NCOA1: variants seen among roughly 807,000 people sequenced by gnomAD.
NCOA1 encodes Hin-2 protein.
Under a neutral mutation model 150.9 loss-of-function variants are expected in NCOA1, and 35 were observed. The ratio of observed to expected loss-of-function variants is 0.23; its 90% confidence interval spans 0.18 to 0.31. The LOEUF is 0.31. NCOA1 is among the 10% of genes least tolerant of loss of function. The pLI is 1.00. For missense variants in NCOA1, 1,491 were observed against 1,749.3 expected (o/e 0.85, Z 2.63); for synonymous variants, 590 against 630.0 (o/e 0.94, Z 0.95).
chr2:24,584,785 T>C (rs942599525), intron 3 of NCOA1, among the ~76,000 whole-genome samples: 11 of 152,160 alleles, frequency 7.2e-5, no homozygotes, highest in African/African-American at 2.7e-4. Flanking sequence ...CAGTCAGAGT[T>C]TGAAGATCTT....
chr2:24,581,838 CAG>C (rs1667207252), intron 2 of NCOA1, among the ~76,000 whole-genome samples: 1 of 152,070 alleles, frequency 6.6e-6, no homozygotes, highest in Non-Finnish European at 1.5e-5. Flanking sequence ...ATCATATCAA[CAG>C]AATGAAGTAC....
chr2:24,742,785 A>G (rs1395677634), intron 19 of NCOA1, among the ~76,000 whole-genome samples: 3 of 152,024 alleles, frequency 2.0e-5, no homozygotes, highest in Non-Finnish European at 2.9e-5. Context: ...TCCCCACACA[A>G]TGGATTTTAG....
chr2:24,658,905 C>A lies in NCOA1; in HGVS notation c.89+139C>A, dbSNP rs1245123746. 4.1e-6 allele frequency: 3 copies of A among 736,690 alleles called. No individual in the cohort carries two copies. The East Asian group carries it at 8.2e-5, about 20-fold the overall frequency. 45.6% of individuals were successfully genotyped at this position (736,690 alleles called of 1,614,324 possible). A position where few individuals can be genotyped will look rare whatever the true frequency, so the allele number is the denominator to read the frequency against. The stretch of plus-strand genomic sequence containing the variant: ...ATACTCACCATGTTGTCTTCCTTCC[C>A]CCAGGGTCTTTGCACATGTTTCTCC... On this transcript the variant is annotated intron_variant, in intron 5 of 22. Transcript: ENST00000348332.
At chr2:24,765,750 G>A (rs961010723) in intron 22 of NCOA1, among the ~76,000 whole-genome samples, 6 of 152,182 alleles carry the variant, frequency 3.9e-5, no homozygotes, top group African/African-American at 7.2e-5. Flanking sequence ...AGCTTCTTTT[G>A]TGTCACACTT....
At chr2:24,606,614 G>A (rs1668382024) in intron 3 of NCOA1, among the ~76,000 whole-genome samples, 1 of 152,036 alleles carries the variant, frequency 6.6e-6, no homozygotes, top group Non-Finnish European at 1.5e-5. Context: ...TTAATCTTTT[G>A]TTCATCACTT....
intron 1 of NCOA1, among the ~76,000 whole-genome samples, chr2:24,533,198 T>C (rs1664973295): frequency 6.6e-6 from 1 of 152,200 alleles, no homozygotes; most frequent in African/African-American, 2.4e-5. Context: ...CTAGGTATTT[T>C]ATTCTCTTTG....
chr2:24,739,554 G>C (rs758776109), intron 18 of NCOA1, 21 bp downstream of exon 18: 2 of 1,551,974 alleles, frequency 1.3e-6, no homozygotes, highest in Admixed American at 1.7e-5. Flanking sequence ...AAAACCAGAC[G>C]TCATTAGTAC....
chr2:24,674,123 A>ATGTATGTGTG (rs374312742), intron 7 of NCOA1, among the ~76,000 whole-genome samples: 5 of 145,502 alleles, frequency 3.4e-5, no homozygotes, highest in South Asian at 2.2e-4. Flanking sequence ...ATATGTATGT[A>ATGTATGTGTG]TGTGTGTGTG....
At chr2:24,535,960 T>C (rs1362683461) in intron 1 of NCOA1, among the ~76,000 whole-genome samples, 1 of 152,186 alleles carries the variant, frequency 6.6e-6, no homozygotes, top group African/African-American at 2.4e-5. Flanking sequence ...AGTATCTTTA[T>C]GGTGTTCTGT....
chr2:24,634,028 T>G (rs1271456507), intron 3 of NCOA1, among the ~76,000 whole-genome samples: 1 of 152,090 alleles, frequency 6.6e-6, no homozygotes, highest in Admixed American at 6.5e-5. Context: ...TGGATAGAAC[T>G]CCAAAAGATA....
At chr2:24,722,226 A>C (rs900116728) in intron 14 of NCOA1, among the ~76,000 whole-genome samples, 2 of 152,172 alleles carry the variant, frequency 1.3e-5, no homozygotes, top group Admixed American at 1.3e-4. Flanking sequence ...ACACACACCC[A>C]AGCAGTGTGG....
intron 4 of NCOA1, among the ~76,000 whole-genome samples, chr2:24,657,700 T>C (rs1671006745): frequency 6.6e-6 from 1 of 152,192 alleles, no homozygotes; most frequent in Non-Finnish European, 1.5e-5. Flanking sequence ...CAGCATTCTT[T>C]ATAATAAAGT....
chr2:24,573,516 T>C (rs1666823264), intron 2 of NCOA1, among the ~76,000 whole-genome samples: 1 of 152,116 alleles, frequency 6.6e-6, no homozygotes, highest in African/African-American at 2.4e-5. Context: ...CTAGTAAAAA[T>C]TGTAAGCCTG....
At chr2:24,682,165 A>C (rs918265636) in intron 7 of NCOA1, among the ~76,000 whole-genome samples, 1 of 152,056 alleles carries the variant, frequency 6.6e-6, no homozygotes, top group East Asian at 1.9e-4. Context: ...TAAATGTTCT[A>C]TTTTTTCAGG....
At chr2:24,566,393 G>C (rs1179750648) in intron 2 of NCOA1, among the ~76,000 whole-genome samples, 1 of 151,818 alleles carries the variant, frequency 6.6e-6, no homozygotes, top group Non-Finnish European at 1.5e-5. Context: ...TAGTTCCATT[G>C]TGTGCTCAGC....
chr2:24,657,676 ATG>A (rs1325950452), intron 4 of NCOA1, among the ~76,000 whole-genome samples: 1 of 152,232 alleles, frequency 6.6e-6, no homozygotes, highest in Non-Finnish European at 1.5e-5. Context: ...AGTTAAAGCC[ATG>A]TGAGAGATTC....
chr2:24,503,624 T>C (rs1663558944), intron 1 of NCOA1, among the ~76,000 whole-genome samples: 1 of 152,092 alleles, frequency 6.6e-6, no homozygotes, highest in African/African-American at 2.4e-5. Context: ...CAATACAAAA[T>C]ATGTCACATG....
intron 7 of NCOA1, among the ~76,000 whole-genome samples, chr2:24,678,000 A>G (rs1671996640): frequency 6.6e-6 from 1 of 151,988 alleles, no homozygotes; most frequent in East Asian, 1.9e-4. Context: ...TAAGCCCAGC[A>G]TCCATTAGCT....
intron 1 of NCOA1, among the ~76,000 whole-genome samples, chr2:24,514,505 T>TA (rs1290837231): frequency 6.6e-6 from 1 of 151,596 alleles, no homozygotes; most frequent in Non-Finnish European, 1.5e-5. Flanking sequence ...TAATCTGTAA[T>TA]AAAATGTGAA....
Sources: allele counts gnomAD v4.1 joint callset (sites outside exome capture counted in the v4.1 genomes callset), GRCh38; gene constraint gnomAD v4.1.1; transcripts MANE v1.5; gene names NCBI Gene and HGNC (gene_info 2026-07-23, HGNC 2026-07-21).